KPNA3: variants seen among roughly 807,000 people sequenced by gnomAD.
KPNA3 encodes the protein karyopherin subunit alpha 3.
KPNA3 carries 13 observed loss-of-function variants against 73.8 expected under a neutral mutation model. The ratio of observed to expected loss-of-function variants is 0.18; its 90% CI spans 0.11 to 0.28. The LOEUF is 0.28. KPNA3 is among the 10% of genes least tolerant of loss of function. The probability of loss-of-function intolerance (pLI) is 1.00; values close to 1 mark genes in which losing one functional copy is unlikely to be tolerated. For missense variants in KPNA3, 360 were observed against 618.1 expected, an observed-to-expected ratio of 0.58 and a Z score of 4.43; for synonymous variants, 186 against 206.9, an observed-to-expected ratio of 0.90 and a Z score of 0.87.
At chr13:49,712,339 A>G (rs1954267519) in intron 10 of KPNA3, among the ~76,000 whole-genome samples, 1 of 152,230 alleles carries the variant, frequency 6.6e-6, no homozygotes, top group Non-Finnish European at 1.5e-5. Context: ...ATTTTAAAGT[A>G]ACTATCATAA....
chr13:49,727,487 TGAA>T (rs1343669512), intron 6 of KPNA3, among the ~76,000 whole-genome samples: 1 of 149,448 alleles, frequency 6.7e-6, no homozygotes. Flanking sequence ...GAAAAAAGGT[TGAA>T]GAGATCCAAG....
intron 9 of KPNA3, among the ~76,000 whole-genome samples, chr13:49,721,681 G>A (rs1284338441): frequency 1.3e-5 from 2 of 152,066 alleles, no homozygotes; most frequent in African/African-American, 2.4e-5. Flanking sequence ...TTAGCCAGGC[G>A]TGGTGGCGGG....
intron 10 of KPNA3, among the ~76,000 whole-genome samples, chr13:49,715,150 G>A (rs878946232): frequency 6.6e-6 from 1 of 151,768 alleles, no homozygotes; most frequent in Admixed American, 6.6e-5. Context: ...CTATAGTTCA[G>A]ACAAAATGTA....
At position 49,701,722 on chromosome 13, in the gene KPNA3, G is replaced by A. The variant is rs937054362; in HGVS notation, c.*78C>T. ...CATGTGTGTTTTGGAGCCTTTTGTT[G>A]CTGTTGTTCTTATCATTTGGTAGCC... On this transcript the variant is annotated 3_prime_UTR_variant, in exon 17 of 17. Transcript: ENST00000261667. 4 of 886,586 alleles carry A rather than the reference G, an allele frequency of 4.5e-6. No homozygotes were observed. In the African/African-American group the frequency reaches 6.6e-5, roughly 15 times the overall value. The allele number at this position is 886,586 out of a possible 1,614,324, so 54.9% of individuals were successfully genotyped here. A position where few individuals can be genotyped will look rare whatever the true frequency, so the allele number is the denominator to read the frequency against.
chr13:49,739,289 G>T (rs972653900), intron 2 of KPNA3, among the ~76,000 whole-genome samples: 1 of 152,126 alleles, frequency 6.6e-6, no homozygotes, highest in Non-Finnish European at 1.5e-5. Flanking sequence ...GCCAAAAGTT[G>T]AAAATATAAG....
intron 1 of KPNA3, among the ~76,000 whole-genome samples, chr13:49,768,222 T>C (rs1244321499): frequency 1.4e-5 from 2 of 143,688 alleles, no homozygotes; most frequent in African/African-American, 5.3e-5. Flanking sequence ...GAAGCTGCAG[T>C]GAGCCAAGAT....
intron 1 of KPNA3, among the ~76,000 whole-genome samples, chr13:49,748,635 G>A (rs532242934): frequency 6.6e-6 from 1 of 151,936 alleles, no homozygotes; most frequent in African/African-American, 2.4e-5. Flanking sequence ...AAATAATCTA[G>A]ATATAAACTT....
At chr13:49,754,639 G>T (rs1469232100) in intron 1 of KPNA3, among the ~76,000 whole-genome samples, 2 of 131,844 alleles carry the variant, frequency 1.5e-5, no homozygotes, top group Non-Finnish European at 3.2e-5. Context: ...AAAAAAATCA[G>T]CAGACTGGCC....
chr13:49,712,009 G>C (rs908585922), intron 10 of KPNA3, among the ~76,000 whole-genome samples: 7 of 152,154 alleles, frequency 4.6e-5, no homozygotes, highest in Non-Finnish European at 8.8e-5. Flanking sequence ...GTAAAAGAGA[G>C]GACAGAAGCT....
chr13:49,744,120 G>A (rs1954596470), intron 2 of KPNA3, among the ~76,000 whole-genome samples: 5 of 152,144 alleles, frequency 3.3e-5, no homozygotes, highest in Admixed American at 2.6e-4. Context: ...TGATCCAGGA[G>A]CTGGTGGTTA....
Position 49,700,853 on chromosome 13 carries a change from AT to A in KPNA3, c.*946del. 1 of 152,462 alleles carries A rather than the reference AT, an allele frequency of 6.6e-6. No homozygotes were observed. The highest frequency in any genetic ancestry group is 1.5e-5 in the Non-Finnish European group (1 of 68,038). The allele number at this position is 152,462 out of a possible 1,614,324, so 9.4% of individuals were successfully genotyped here. A position where few individuals can be genotyped will look rare whatever the true frequency, so the allele number is the denominator to read the frequency against. ...TTAACTCCTGAAAGCTGAAAGCAAGATTTTTTTAAAAAACATCACCAATGGG... is the reference window on the plus strand; with the variant it reads ...TTAACTCCTGAAAGCTGAAAGCAAGATTTTTTAAAAAACATCACCAATGGG... On this transcript the variant is annotated 3_prime_UTR_variant, in exon 17 of 17. Transcript: ENST00000261667.
chr13:49,779,755 A>C (rs750388031), intron 1 of KPNA3, among the ~76,000 whole-genome samples: 8 of 152,144 alleles, frequency 5.3e-5, no homozygotes, highest in Admixed American at 2.6e-4. Context: ...ACTAGTCTAA[A>C]TAGCTCAACT....
chr13:49,764,085 AAAG>A (rs1204881453), intron 1 of KPNA3, among the ~76,000 whole-genome samples: 1 of 151,576 alleles, frequency 6.6e-6, no homozygotes, highest in Non-Finnish European at 1.5e-5. Flanking sequence ...AAAAAAAAAA[AAAG>A]AGTCAGTTTG....
intron 2 of KPNA3, among the ~76,000 whole-genome samples, chr13:49,738,563 C>T (rs1365465221): frequency 6.6e-6 from 1 of 152,116 alleles, no homozygotes; most frequent in Non-Finnish European, 1.5e-5. Context: ...TGTATAAATC[C>T]TGTACATGTT....
At chr13:49,730,619 T>G (rs544914299) in intron 6 of KPNA3, among the ~76,000 whole-genome samples, 3 of 150,452 alleles carry the variant, frequency 2.0e-5, no homozygotes, top group Non-Finnish European at 4.4e-5. Context: ...TATTTTATTT[T>G]ATTTTTATTA....
At chr13:49,715,234 CAAA>C (rs1325731031) in intron 10 of KPNA3, among the ~76,000 whole-genome samples, 1 of 151,770 alleles carries the variant, frequency 6.6e-6, no homozygotes. Flanking sequence ...TAGTCAAAGA[CAAA>C]AGACAAACTA....
In KPNA3 at chr13:49,712,541, G is replaced by T. The variant is rs570894747; in HGVS notation, c.772-1519C>A. ...AGAAATTAACTCTCAGGAACTTCCA[G>T]CACAATAACAATAGATCTAATATTT... is the stretch of plus-strand genomic sequence containing the variant. On this transcript the variant is annotated intron_variant, in intron 10 of 16. Transcript: ENST00000261667. 2.6e-5 allele frequency among the ~76,000 whole-genome samples: 4 copies of T among 151,538 alleles called. No homozygotes were observed. The South Asian group carries it at 8.3e-4, about 32-fold the overall frequency.
chr13:49,708,784 A>G (rs1414204000), intron 12 of KPNA3, among the ~76,000 whole-genome samples: 2 of 152,250 alleles, frequency 1.3e-5, no homozygotes, highest in Non-Finnish European at 2.9e-5. Context: ...AAGACTTATT[A>G]CATACTAGTA....
At chr13:49,741,004 T>C (rs1326078576) in intron 2 of KPNA3, among the ~76,000 whole-genome samples, 1 of 152,206 alleles carries the variant, frequency 6.6e-6, no homozygotes, top group Non-Finnish European at 1.5e-5. Context: ...TAAAAAGTAT[T>C]CCACTATGTA....
Sources: gnomAD v4.1 joint callset for allele counts (sites outside exome capture counted in the v4.1 genomes callset) on GRCh38, gnomAD v4.1.1 for gene constraint, MANE v1.5 for transcripts, NCBI Gene and HGNC (gene_info 2026-07-23, HGNC 2026-07-21) for gene names.